The following NVL variants were observed in gnomAD, a reference collection of about 807,000 sequenced individuals.
The protein encoded by NVL is nuclear valosin-containing protein-like.
NVL carries 84 observed loss-of-function variants against 110.2 expected under a neutral mutation model. The ratio of observed to expected loss-of-function variants is 0.76; its 90% confidence interval spans 0.64 to 0.91. The LOEUF (loss-of-function observed/expected upper bound fraction) is 0.91, where lower values mean the gene tolerates loss of function less well. Ranked by LOEUF, NVL falls within the 40% of genes least tolerant of loss-of-function variation. The pLI is 0.00. For missense variants in NVL, 882 were observed against 1,035.9 expected, an observed-to-expected ratio of 0.85 and a Z score of 2.04; for synonymous variants, 354 against 361.1, an observed-to-expected ratio of 0.98 and a Z score of 0.22.
Position 224,294,357 on chromosome 1 carries a change from C to G in NVL, c.1235G>C (p.Arg412Pro). ...CAAAGCAGGGTCTAACGAGTCTGGT[C>G]GATTAGTAGCTCCAATAACTAGGAC... Reference protein sequence around the residue: ...ARVLVIGATNRPDSLDPALRR... With the variant: ...ARVLVIGATNPPDSLDPALRR... The change falls in exon 12 of 23, where the codon CGA becomes CCA. Residue 412 changes from arginine (R) to proline (P), a missense_variant. Transcript: ENST00000281701. 6.2e-7 allele frequency: 1 copy of G among 1,613,888 alleles called. No individual in the cohort carries two copies. Among genetic ancestry groups the G allele is most frequent in the Non-Finnish European group, 8.5e-7 (1 of 1,179,996 alleles).
At chr1:224,297,375 G>C (rs923561631) in intron 10 of NVL, among the ~76,000 whole-genome samples, 2 of 152,086 alleles carry the variant, frequency 1.3e-5, no homozygotes, top group Admixed American at 6.6e-5. Context: ...AACTAGACAC[G>C]GTTCAGAAAG....
chr1:224,280,733 T>C (rs1202742876), intron 16 of NVL, among the ~76,000 whole-genome samples: 1 of 152,216 alleles, frequency 6.6e-6, no homozygotes, highest in Non-Finnish European at 1.5e-5. Flanking sequence ...ATTTGGATAA[T>C]AAGTTTCTTA....
At chr1:224,247,347 G>A (rs371191564) in intron 19 of NVL, among the ~76,000 whole-genome samples, 6 of 151,828 alleles carry the variant, frequency 4.0e-5, no homozygotes, top group East Asian at 1.9e-4. Flanking sequence ...CTGGGACTAC[G>A]GGTGCATGCC....
intron 2 of NVL, among the ~76,000 whole-genome samples, chr1:224,323,902 C>T (rs141393814): frequency 1.6e-4 from 25 of 152,260 alleles, no homozygotes; most frequent in African/African-American, 6.0e-4. Flanking sequence ...TTCTTTTTTC[C>T]AATTGCTCTC....
chr1:224,302,610 C>G (rs552545102), intron 9 of NVL, among the ~76,000 whole-genome samples: 25 of 152,240 alleles, frequency 1.6e-4, no homozygotes, highest in Admixed American at 1.4e-3. Flanking sequence ...TTTAATTTCT[C>G]AAAGTAAGTG....
chr1:224,311,080 C>T (rs1669473223), intron 5 of NVL, among the ~76,000 whole-genome samples: 1 of 151,736 alleles, frequency 6.6e-6, no homozygotes, highest in African/African-American at 2.4e-5. Flanking sequence ...TTTTTGGAGA[C>T]AGGATCTGGT....
intron 18 of NVL, among the ~76,000 whole-genome samples, chr1:224,266,076 C>T (rs979978397): frequency 2.6e-5 from 4 of 152,192 alleles, no homozygotes; most frequent in African/African-American, 9.7e-5. Flanking sequence ...TTAGCATTTT[C>T]TGTCTCACCA....
chr1:224,268,185 C>T, intron 17 of NVL, 52 bp from the exon 18 acceptor site: 1 of 1,234,430 alleles, frequency 8.1e-7, no homozygotes, highest in Non-Finnish European at 1.2e-6. Flanking sequence ...AGGAAAAATA[C>T]CCATTTTCTT....
chr1:224,230,949 T>C (rs904722064), intron 22 of NVL, among the ~76,000 whole-genome samples: 2 of 151,902 alleles, frequency 1.3e-5, no homozygotes, highest in South Asian at 2.1e-4. Context: ...CTGGCTAACA[T>C]GGTGAAACCC....
intron 18 of NVL, among the ~76,000 whole-genome samples, chr1:224,264,243 G>T (rs1372047307): frequency 6.6e-6 from 1 of 150,582 alleles, no homozygotes; most frequent in East Asian, 2.0e-4. Flanking sequence ...TAAAAATGGT[G>T]ATTTTTTTTT....
At chr1:224,242,544 C>T (rs1241391163) in intron 19 of NVL, among the ~76,000 whole-genome samples, 2 of 132,360 alleles carry the variant, frequency 1.5e-5, no homozygotes, top group Non-Finnish European at 3.1e-5. Flanking sequence ...TGTGCAGTGG[C>T]GTGATCTCAC....
intron 17 of NVL, among the ~76,000 whole-genome samples, chr1:224,271,952 T>G (rs915179917): frequency 6.6e-6 from 1 of 151,210 alleles, no homozygotes; most frequent in Non-Finnish European, 1.5e-5. Flanking sequence ...AGGCAGAGGT[T>G]GCAGTGAGCC....
chr1:224,309,063 CAAAAA>C (rs58611576), intron 5 of NVL, among the ~76,000 whole-genome samples: 31 of 103,090 alleles, frequency 3.0e-4, no homozygotes, highest in Admixed American at 5.0e-4. Flanking sequence ...TCTGTCTCAA[CAAAAA>C]AAAAAAAAAA....
chr1:224,301,936 C>G (rs1273321500), intron 9 of NVL, among the ~76,000 whole-genome samples: 2 of 151,978 alleles, frequency 1.3e-5, no homozygotes, highest in East Asian at 1.9e-4. Context: ...TACCACATAC[C>G]ATTTTGCACT....
chr1:224,305,350 C>T, intron 6 of NVL, 184 bp from the exon 7 acceptor site: 1 of 580,792 alleles, frequency 1.7e-6, no homozygotes, highest in East Asian at 3.0e-5. Flanking sequence ...TCCTCATTCC[C>T]TTAAAGCTCA....
chr1:224,289,797 C>T, intron 12 of NVL, 64 bp from the exon 13 acceptor site: 2 of 1,504,016 alleles, frequency 1.3e-6, no homozygotes, highest in East Asian at 2.3e-5. Context: ...AAGTCACCAA[C>T]TATATTTATT....
chr1:224,238,223 G>A (rs1380279677), intron 19 of NVL, among the ~76,000 whole-genome samples: 4 of 151,960 alleles, frequency 2.6e-5, no homozygotes, highest in Non-Finnish European at 4.4e-5. Context: ...TGTAGAGATG[G>A]GGTTTCACGA....
chr1:224,296,599 A>T lies in NVL; in HGVS notation c.1082T>A (p.Ile361Asn). 1 of 1,593,636 alleles carries T rather than the reference A, an allele frequency of 6.3e-7. No individual in the cohort carries two copies. The highest frequency in any genetic ancestry group is 1.1e-5 in the South Asian group (1 of 87,358). Residue 361 changes from isoleucine to asparagine, a missense_variant, in exon 11 of 23, where the codon ATT becomes AAT. This residue lies in a region of NVL where 416 missense variants were observed against 499.3 expected (regional missense o/e 0.83). Transcript: ENST00000281701. The stretch of plus-strand genomic sequence containing the variant: ...AATAGCATCAATTTCATCAATGAAA[A>T]TGATACATGGTGCATTTGACTAGAA... ...EQAVSNAPCI[I>N]FIDEIDAITP...
intron 9 of NVL, among the ~76,000 whole-genome samples, chr1:224,301,522 T>A (rs1032081788): frequency 6.6e-6 from 1 of 152,030 alleles, no homozygotes; most frequent in East Asian, 1.9e-4. Context: ...CAGTTACTAG[T>A]CAGAGGAGGG....
Sources: gnomAD v4.1 joint callset for allele counts (sites outside exome capture counted in the v4.1 genomes callset) on GRCh38, gnomAD v4.1.1 for gene constraint, gnomAD v4.1.1 regional missense constraint, MANE v1.5 for transcripts, NCBI Gene and HGNC (gene_info 2026-07-23, HGNC 2026-07-21) for gene names.